The following CALN1 variants were observed in gnomAD, a reference collection of about 807,000 sequenced individuals.
The protein encoded by CALN1 is calcium-binding protein 8.
A neutral mutation model predicts 30.6 loss-of-function variants in CALN1; 17 were observed. The ratio of observed to expected loss-of-function variants is 0.56; its 90% CI spans 0.38 to 0.83. The LOEUF is 0.83. CALN1 is among the 40% of genes least tolerant of loss of function. The probability of loss-of-function intolerance (pLI) is 0.00; values close to 1 mark genes in which losing one functional copy is unlikely to be tolerated. For missense variants in CALN1, 291 were observed against 354.9 expected (o/e 0.82, Z 1.45); for synonymous variants, 156 against 131.4 (o/e 1.19, Z -1.28).
At chr7:72,046,561 A>C (rs1023727669) in intron 4 of CALN1, among the ~76,000 whole-genome samples, 3 of 151,750 alleles carry the variant, frequency 2.0e-5, no homozygotes, top group African/African-American at 7.3e-5. Flanking sequence ...AAAATACAAA[A>C]ATTAGCTGGG....
intron 3 of CALN1, among the ~76,000 whole-genome samples, chr7:72,161,872 T>G (rs1448901240): frequency 1.3e-5 from 2 of 151,902 alleles, no homozygotes; most frequent in Non-Finnish European, 2.9e-5. Context: ...CTCACCTACG[T>G]AACAAACCTG....
intron 3 of CALN1, among the ~76,000 whole-genome samples, chr7:72,214,490 G>A (rs1226806313): frequency 1.3e-5 from 2 of 151,650 alleles, no homozygotes; most frequent in East Asian, 3.9e-4. Context: ...GAAAAAAAAA[G>A]AAAAAGAAGA....
chr7:71,868,808 CA>C (rs2116717897), intron 5 of CALN1, among the ~76,000 whole-genome samples: 1 of 152,190 alleles, frequency 6.6e-6, no homozygotes, highest in South Asian at 2.1e-4. Context: ...AGATTGAAAC[CA>C]TATCTGGGAA....
intron 1 of CALN1, among the ~76,000 whole-genome samples, chr7:72,409,593 T>G (rs1806971430): frequency 6.6e-6 from 1 of 151,966 alleles, no homozygotes; most frequent in East Asian, 2.0e-4. Flanking sequence ...AAGTCTTTCA[T>G]GGATTTGATC....
intron 5 of CALN1, among the ~76,000 whole-genome samples, chr7:71,825,279 T>C (rs1394263726): frequency 1.3e-5 from 2 of 152,154 alleles, no homozygotes; most frequent in East Asian, 1.9e-4. Flanking sequence ...CTGTGTGTTG[T>C]AGGAGGGACC....
chr7:72,123,455 C>T (rs940592555), intron 3 of CALN1, among the ~76,000 whole-genome samples: 1 of 152,180 alleles, frequency 6.6e-6, no homozygotes, highest in Non-Finnish European at 1.5e-5. Context: ...TCCTTCCTGT[C>T]ATCATGGGCA....
intron 3 of CALN1, among the ~76,000 whole-genome samples, chr7:72,233,268 T>A (rs950500497): frequency 4.2e-5 from 6 of 143,332 alleles, no homozygotes; most frequent in Admixed American, 1.4e-4. Context: ...CACTGCAGGG[T>A]TGGAAGGAGG....
At chr7:71,847,847 G>GAGA (rs66530230) in intron 5 of CALN1, among the ~76,000 whole-genome samples, 8,933 of 134,730 alleles carry the variant, frequency 0.066, 428 homozygotes, top group Middle Eastern at 0.099. Context: ...GAAGGAGAAG[G>GAGA]AGAAGAAGAA....
At chr7:71,845,936 C>T (rs796852879) in intron 5 of CALN1, among the ~76,000 whole-genome samples, 2 of 152,142 alleles carry the variant, frequency 1.3e-5, no homozygotes, top group African/African-American at 4.8e-5. Context: ...ACCTGTAATC[C>T]CAGCTAGTAG....
intron 3 of CALN1, among the ~76,000 whole-genome samples, chr7:72,276,299 C>T (rs1017356584): frequency 2.0e-5 from 3 of 152,176 alleles, no homozygotes; most frequent in Non-Finnish European, 4.4e-5. Context: ...TGTCTATTCA[C>T]AGTGAAGACT....
rs1563005478 is a variant in CALN1, at chr7:72,044,598, A to ATTTTTTT, written c.389-20830_389-20829insAAAAAAA. Among the ~76,000 whole-genome samples, 179 of 114,386 alleles carry ATTTTTTT rather than the reference A, an allele frequency of 1.6e-3. 2 individuals carry two copies. Among genetic ancestry groups the ATTTTTTT allele is most frequent in the African/African-American group, 5.8e-3 (168 of 28,792 alleles). The allele number at this position is 114,386 out of a possible 152,430, so 75.0% of individuals were successfully genotyped here. On this transcript the variant is annotated intron_variant, in intron 4 of 6. Transcript: ENST00000395275. The stretch of plus-strand genomic sequence containing the variant: ...CTTCAGAGAATAATTTCCGCTTAAA[A>ATTTTTTT]CTTTTTTTTTTTTTTTTTTTTTTTT...
chr7:72,033,831 G>A (rs559054136), intron 4 of CALN1, among the ~76,000 whole-genome samples: 2 of 152,294 alleles, frequency 1.3e-5, no homozygotes, highest in South Asian at 4.1e-4. Context: ...ATCAATCTGG[G>A]GACAGTATGA....
chr7:72,409,422 G>C (rs559926149), intron 1 of CALN1, among the ~76,000 whole-genome samples: 5 of 147,844 alleles, frequency 3.4e-5, no homozygotes, highest in African/African-American at 1.2e-4. Context: ...CCCTTCCTCA[G>C]AGGCTGGCGC....
chr7:72,327,360 G>A (rs1018401781), intron 2 of CALN1, among the ~76,000 whole-genome samples: 2 of 152,158 alleles, frequency 1.3e-5, no homozygotes, highest in East Asian at 1.9e-4. Context: ...GTGGTGACAC[G>A]TGCCTTTAGT....
At chr7:71,853,794 GGT>G (rs1292663831) in intron 5 of CALN1, among the ~76,000 whole-genome samples, 1 of 152,048 alleles carries the variant, frequency 6.6e-6, no homozygotes, top group African/African-American at 2.4e-5. Flanking sequence ...TGGCCAGGGT[GGT>G]CTCGAACTCC....
At position 72,271,575 on chromosome 7, in the gene CALN1, A is replaced by ATAT. The variant is rs1554345806; in HGVS notation, c.244+7110_244+7111insATA. ...CTGTGCCTGCCTTTTAAAAAAAAAA[A>ATAT]ATATATATATATATATATAGTTTTC... On this transcript the variant is annotated intron_variant, in intron 3 of 6. Coordinates refer to ENST00000395275, the MANE Select transcript of CALN1 (RefSeq NM_031468.4). Among the ~76,000 whole-genome samples, 5 of 52,132 alleles carry ATAT rather than the reference A, an allele frequency of 9.6e-5. 1 individual carries two copies. Among genetic ancestry groups the ATAT allele is most frequent in the African/African-American group, 4.0e-4 (3 of 7,440 alleles). 34.2% of individuals were successfully genotyped at this position (52,132 alleles called of 152,430 possible). A position where few individuals can be genotyped will look rare whatever the true frequency, so the allele number is the denominator to read the frequency against.
At chr7:71,964,481 T>C (rs917201681) in intron 5 of CALN1, among the ~76,000 whole-genome samples, 2 of 152,302 alleles carry the variant, frequency 1.3e-5, no homozygotes, top group African/African-American at 4.8e-5. Context: ...CCTAGTGTAC[T>C]GGAAAACTTG....
At chr7:72,455,225 C>A in the CALN1 span, among the ~76,000 whole-genome samples, 6 of 151,604 alleles carry the variant, frequency 4.0e-5, no homozygotes, top group Admixed American at 1.3e-4. Context: ...TCACTTGAGC[C>A]CAGGAGTTTG....
At position 72,332,492 on chromosome 7, in the gene CALN1, G is replaced by A. The variant is rs549091791; in HGVS notation, c.120-53682C>T. The stretch of plus-strand genomic sequence containing the variant: ...TTTAGCTGGTCCTCAATTTGGTCCA[G>A]CTACTTGGACCAAATTGAGCCCCAC... On this transcript the variant is annotated intron_variant, in intron 2 of 6. Coordinates refer to ENST00000395275, the MANE Select transcript of CALN1 (RefSeq NM_031468.4). Among the ~76,000 whole-genome samples the A allele has an allele frequency of 6.6e-5, 10 of 151,936 alleles. No individual in the cohort carries two copies. In the South Asian group the frequency reaches 1.9e-3, roughly 29 times the overall value.
Sources: allele counts gnomAD v4.1 joint callset (sites outside exome capture counted in the v4.1 genomes callset), GRCh38; gene constraint gnomAD v4.1.1; transcripts MANE v1.5; gene names NCBI Gene and HGNC (gene_info 2026-07-23, HGNC 2026-07-21).